LRP1B: variants seen among roughly 807,000 people sequenced by gnomAD.
LRP1B encodes the protein low-density lipoprotein receptor-related protein 1B.
Under a neutral mutation model 556.6 loss-of-function variants are expected in LRP1B, and 217 were observed. The ratio of observed to expected loss-of-function variants is 0.39; its 90% CI spans 0.35 to 0.44. The LOEUF is 0.44. Among genes scored for constraint, LRP1B ranks in the 20% least tolerant of loss-of-function variants. The pLI is 1.00. For missense variants in LRP1B, 5,053 were observed against 5,620.8 expected, an observed-to-expected ratio of 0.90 and a Z score of 3.23; for synonymous variants, 2,047 against 1,865.8, an observed-to-expected ratio of 1.10 and a Z score of -2.50.
chr2:141,980,041 A>T (rs1437559094), intron 1 of LRP1B, among the ~76,000 whole-genome samples: 2 of 152,170 alleles, frequency 1.3e-5, no homozygotes, highest in African/African-American at 4.8e-5. Flanking sequence ...TTGATACAAT[A>T]GTCCAAATCA....
In LRP1B at chr2:141,319,306, T is replaced by G. The variant is rs1354657868; in HGVS notation, c.344-64665A>C. 2.0e-4 allele frequency among the ~76,000 whole-genome samples: 19 copies of G among 94,826 alleles called. 1 individual carries two copies. Among genetic ancestry groups the G allele is most frequent in the Non-Finnish European group, 4.1e-4 (19 of 46,548 alleles). The allele number at this position is 94,826 out of a possible 152,430, so 62.2% of individuals were successfully genotyped here. A position where few individuals can be genotyped will look rare whatever the true frequency, so the allele number is the denominator to read the frequency against. On this transcript the variant is annotated intron_variant, in intron 3 of 90. Coordinates refer to ENST00000389484, the MANE Select transcript of LRP1B (RefSeq NM_018557.3). Reference sequence around the variant, plus strand: ...TAGTCTCTAAAAAGCAGTGTTTTTTTGTTGTTTTTTTTTTTTTTCCTACTC... The same window carrying G: ...TAGTCTCTAAAAAGCAGTGTTTTTTGGTTGTTTTTTTTTTTTTTCCTACTC...
At position 141,605,104 on chromosome 2, in the gene LRP1B, G is replaced by A. The variant is rs554701264; in HGVS notation, c.206-124571C>T. The stretch of plus-strand genomic sequence containing the variant: ...GCAAAGTGACCAAGAAAAATCCTGC[G>A]TCACTATGGAGCACATTCGATTTGC... On this transcript the variant is annotated intron_variant, in intron 2 of 90. Coordinates refer to ENST00000389484, the MANE Select transcript of LRP1B (RefSeq NM_018557.3). Among the ~76,000 whole-genome samples the A allele has an allele frequency of 1.2e-4, 19 of 152,014 alleles. No homozygotes were observed. The South Asian group carries it at 2.9e-3, about 23-fold the overall frequency.
rs1392896510 is a variant in LRP1B at position 140,444,413 on chromosome 2, G to A, written c.10211C>T (p.Thr3404Ile). Residue 3404 changes from threonine (T) to isoleucine (I), a missense_variant, in exon 65 of 91, where the codon ACC (threonine) becomes ATC (isoleucine). Physicochemically the swap from Thr to Ile is moderately conservative, Grantham distance 89. Around this residue, in one of 5 missense-constraint regions of LRP1B, gnomAD observed 262 missense variants for 395.1 expected, o/e 0.66. Coordinates refer to ENST00000389484, the MANE Select transcript of LRP1B (RefSeq NM_018557.3). ...TACTGGGATACATTTCTGGTTCTTG[G>A]TACATTTGAATTGACCTGACAGGCA... ...HVCLSGQFKC[T>I]KNQKCIPVNL... 2 of 1,613,832 alleles carry A rather than the reference G, an allele frequency of 1.2e-6. No individual in the cohort carries two copies. The highest frequency in any genetic ancestry group is 2.2e-5 in the South Asian group (2 of 91,076).
chr2:141,674,245 A>C (rs1243856325), intron 2 of LRP1B, among the ~76,000 whole-genome samples: 1 of 152,070 alleles, frequency 6.6e-6, no homozygotes, highest in Admixed American at 6.6e-5. Context: ...TTCTTTATGA[A>C]TTTGAATTGG....
At chr2:141,055,525 C>T (rs969090370) in intron 9 of LRP1B, among the ~76,000 whole-genome samples, 2 of 151,806 alleles carry the variant, frequency 1.3e-5, no homozygotes, top group African/African-American at 2.4e-5. Context: ...AACTCTTCAC[C>T]GGTGAGCAAA....
rs560361094 is a variant in LRP1B, at chr2:141,532,495, CAA to C, written c.206-51964_206-51963del. Among the ~76,000 whole-genome samples, 9 of 147,334 alleles carry C rather than the reference CAA, an allele frequency of 6.1e-5. No individual in the cohort carries two copies. In the South Asian group the frequency reaches 2.2e-3, roughly 35 times the overall value. ...AGAAGAGTGATTATAACGACTCACTCAAAGTCATTTTTATTTTTTTTTTCAGC... is the reference window on the plus strand; with the variant it reads ...AGAAGAGTGATTATAACGACTCACTCAGTCATTTTTATTTTTTTTTTCAGC... On this transcript the variant is annotated intron_variant, in intron 2 of 90. Coordinates refer to ENST00000389484, the MANE Select transcript of LRP1B (RefSeq NM_018557.3).
chr2:141,662,385 C>G (rs1690254960), intron 2 of LRP1B, among the ~76,000 whole-genome samples: 1 of 152,030 alleles, frequency 6.6e-6, no homozygotes, highest in African/African-American at 2.4e-5. Flanking sequence ...CACAGAATGA[C>G]AAGCTGCATA....
chr2:140,723,884 A>T (rs980331733), intron 35 of LRP1B, among the ~76,000 whole-genome samples: 3 of 152,206 alleles, frequency 2.0e-5, no homozygotes, highest in African/African-American at 4.8e-5. Context: ...AACTTTTTTT[A>T]CCTTTAAAAA....
chr2:140,760,134 G>C (rs1688864774), intron 35 of LRP1B, among the ~76,000 whole-genome samples: 1 of 152,166 alleles, frequency 6.6e-6, no homozygotes, highest in Non-Finnish European at 1.5e-5. Context: ...TAATGAAAGA[G>C]ATGCTCAGGA....
chr2:142,007,695 T>C (rs571548692), intron 1 of LRP1B, among the ~76,000 whole-genome samples: 61 of 152,368 alleles, frequency 4.0e-4, no homozygotes, highest in African/African-American at 1.4e-3. Flanking sequence ...CTACCCTTTC[T>C]TTTCCTAATC....
rs1449796666 is a variant in LRP1B, at chr2:142,127,407, C to G, written c.82+3241G>C. 2.6e-5 allele frequency among the ~76,000 whole-genome samples: 4 copies of G among 151,870 alleles called. No individual in the cohort carries two copies. In the East Asian group the frequency reaches 7.7e-4, roughly 29 times the overall value. ...CCATCCATCCATCCATCCATCCATT[C>G]ATCTTTTTCCTAAATTTATCTTCAG... On this transcript the variant is annotated intron_variant, in intron 1 of 90. Coordinates refer to ENST00000389484, the MANE Select transcript of LRP1B (RefSeq NM_018557.3).
Position 141,222,382 on chromosome 2 carries a change from T to A in LRP1B, c.850+6801A>T, listed in dbSNP as rs1453819279. Among the ~76,000 whole-genome samples the A allele has an allele frequency of 3.3e-5, 5 of 152,226 alleles. No individual in the cohort carries two copies. The East Asian group carries it at 9.7e-4, about 29-fold the overall frequency. On this transcript the variant is annotated intron_variant, in intron 6 of 90. Transcript: ENST00000389484. The stretch of plus-strand genomic sequence containing the variant: ...ATAATGAATTCTGAAACTGAGACAC[T>A]AATAAATAGCCTACCAACCAAAAAA...
intron 77 of LRP1B, among the ~76,000 whole-genome samples, chr2:140,336,901 A>G (rs1480411655): frequency 6.6e-6 from 1 of 151,874 alleles, no homozygotes. Context: ...AGGTATTCCC[A>G]GGGGTATTAT....
chr2:141,970,311 A>C (rs1374976510), intron 1 of LRP1B, among the ~76,000 whole-genome samples: 1 of 150,906 alleles, frequency 6.6e-6, no homozygotes, highest in Non-Finnish European at 1.5e-5. Flanking sequence ...TTGTTTTACC[A>C]ATGTATCCAT....
intron 41 of LRP1B, among the ~76,000 whole-genome samples, chr2:140,609,974 T>A (rs893317669): frequency 6.6e-6 from 1 of 152,136 alleles, no homozygotes; most frequent in African/African-American, 2.4e-5. Flanking sequence ...CTCGGGTTAG[T>A]GTCCCTCCTT....
At chr2:141,761,333 G>T in intron 2 of LRP1B, among the ~76,000 whole-genome samples, 1 of 142,006 alleles carries the variant, frequency 7.0e-6, no homozygotes, top group African/African-American at 2.6e-5. Context: ...TAATGCCTCA[G>T]GAATTTTCCC....
chr2:142,083,285 T>C (rs534436320), intron 1 of LRP1B, among the ~76,000 whole-genome samples: 3 of 152,328 alleles, frequency 2.0e-5, no homozygotes, highest in Admixed American at 6.5e-5. Context: ...CACTAGTCCA[T>C]TGGTTTTCCT....
chr2:141,216,352 T>C (rs553226630), intron 6 of LRP1B, among the ~76,000 whole-genome samples: 2 of 152,340 alleles, frequency 1.3e-5, no homozygotes, highest in East Asian at 1.9e-4. Flanking sequence ...AGCCTCTGCC[T>C]AGGTTTCAGA....
chr2:140,542,917 T>C lies in LRP1B; in HGVS notation c.7195-946A>G, dbSNP rs576312864. Among the ~76,000 whole-genome samples the C allele has an allele frequency of 6.8e-4, 104 of 152,202 alleles. 2 individuals carry two copies. Among genetic ancestry groups the C allele is most frequent in the African/African-American group, 2.1e-3 (87 of 41,556 alleles). ...CTGGTGAAAGAACCACAGGAAAGAA[T>C]TAGAGAGGAGAGTCCCCAAGTTCAC... On this transcript the variant is annotated intron_variant, in intron 43 of 90. Coordinates refer to ENST00000389484, the MANE Select transcript of LRP1B (RefSeq NM_018557.3).
Sources: allele counts gnomAD v4.1 joint callset (sites outside exome capture counted in the v4.1 genomes callset), GRCh38; gene constraint gnomAD v4.1.1; regional missense constraint gnomAD v4.1.1; transcripts MANE v1.5; gene names NCBI Gene and HGNC (gene_info 2026-07-23, HGNC 2026-07-21).